The following RGS7 variants were observed in gnomAD, a reference collection of about 807,000 sequenced individuals.
The protein encoded by RGS7 is regulator of G-protein signaling 7.
RGS7 carries 27 observed loss-of-function variants against 81.1 expected under a neutral mutation model. That is an observed-to-expected ratio of 0.33 (90% CI 0.25 to 0.46). The LOEUF (loss-of-function observed/expected upper bound fraction) is 0.46, where lower values mean the gene tolerates loss of function less well. Ranked by LOEUF, RGS7 falls within the 20% of genes least tolerant of loss-of-function variation. RGS7 has a pLI of 1.00. For missense variants in RGS7, 396 were observed against 607.4 expected, an observed-to-expected ratio of 0.65 and a Z score of 3.66; for synonymous variants, 208 against 207.7, an observed-to-expected ratio of 1.00 and a Z score of -0.01.
chr1:240,820,904 T>C (rs1691661154), intron 10 of RGS7, among the ~76,000 whole-genome samples: 1 of 152,148 alleles, frequency 6.6e-6, no homozygotes, highest in Non-Finnish European at 1.5e-5. Flanking sequence ...CCTTTCTGTG[T>C]TTCTATGTGA....
chr1:241,156,686 A>C (rs147744765), intron 2 of RGS7, among the ~76,000 whole-genome samples: 2 of 152,074 alleles, frequency 1.3e-5, no homozygotes, highest in Admixed American at 6.5e-5. Context: ...TCAGCTGTCA[A>C]CTACATCAGG....
chr1:240,812,755 C>A (rs1193582264), intron 13 of RGS7, among the ~76,000 whole-genome samples: 1 of 152,020 alleles, frequency 6.6e-6, no homozygotes, highest in Non-Finnish European at 1.5e-5. Flanking sequence ...AACCACTACG[C>A]CACACAGGGT....
rs957005219 is a variant in RGS7, at chr1:241,239,441, A to C, written c.78+116258T>G. Among the ~76,000 whole-genome samples, 3 of 152,074 alleles carry C rather than the reference A, an allele frequency of 2.0e-5. No homozygotes were observed. In the East Asian group the frequency reaches 5.8e-4, roughly 29 times the overall value. ...GCAGTCTTTGTAAATCACAAATCTCATCATGTCCCCCCTTCACTCAAATGC... is the reference window on the plus strand; with the variant it reads ...GCAGTCTTTGTAAATCACAAATCTCCTCATGTCCCCCCTTCACTCAAATGC... On this transcript the variant is annotated intron_variant, in intron 2 of 18. Coordinates refer to ENST00000440928, the MANE Select transcript of RGS7 (RefSeq NM_001364886.1).
At chr1:240,977,312 T>G (rs1489706821) in intron 4 of RGS7, among the ~76,000 whole-genome samples, 1 of 152,206 alleles carries the variant, frequency 6.6e-6, no homozygotes, top group Non-Finnish European at 1.5e-5. Context: ...TATTTAATCT[T>G]TCCGCCACAG....
chr1:241,164,927 G>A lies in RGS7; in HGVS notation c.79-66165C>T, dbSNP rs10802928. On this transcript the variant is annotated intron_variant, in intron 2 of 18. Transcript: ENST00000440928. This position sits in a 1 kb window ranked among gnomAD's most constrained non-coding sequence, Gnocchi z 4.1. ...AACTCAAATGACTATAACCATAATC[G>A]TAGAACTGAACTGTGTCATTCACAT... 0.28 allele frequency among the ~76,000 whole-genome samples: 42,460 copies of A among 152,016 alleles called. 7,175 individuals are homozygous for A. The highest frequency in any genetic ancestry group is 0.4 in the South Asian group (1,943 of 4,820).
chr1:240,805,219 A>AT (rs1572168640), intron 15 of RGS7, among the ~76,000 whole-genome samples: 2 of 151,348 alleles, frequency 1.3e-5, no homozygotes, highest in Non-Finnish European at 2.9e-5. Flanking sequence ...TCTCTACAAA[A>AT]AAAAATAAAA....
At chr1:240,946,733 G>A (rs963414208) in intron 4 of RGS7, among the ~76,000 whole-genome samples, 2 of 152,134 alleles carry the variant, frequency 1.3e-5, no homozygotes, top group Non-Finnish European at 2.9e-5. Context: ...GGGGAGGTGG[G>A]GGACTGGGAC....
At chr1:241,219,259 T>G (rs2074754858) in intron 2 of RGS7, among the ~76,000 whole-genome samples, 1 of 152,160 alleles carries the variant, frequency 6.6e-6, no homozygotes, top group African/African-American at 2.4e-5. Flanking sequence ...ATGCTGTTCC[T>G]GTGGTAGTGA....
At chr1:241,187,164 A>C (rs1055586083) in intron 2 of RGS7, among the ~76,000 whole-genome samples, 5 of 152,186 alleles carry the variant, frequency 3.3e-5, no homozygotes, top group Non-Finnish European at 5.9e-5. Flanking sequence ...AAAAAAGGAA[A>C]GGCAGATGTT....
chr1:240,872,835 T>C (rs1470150198), intron 6 of RGS7, among the ~76,000 whole-genome samples: 1 of 152,034 alleles, frequency 6.6e-6, no homozygotes, highest in Non-Finnish European at 1.5e-5. Flanking sequence ...TCCCAGCAGG[T>C]TGGGAGGCCG....
chr1:240,825,003 T>C (rs747650768), intron 10 of RGS7, among the ~76,000 whole-genome samples: 5 of 152,222 alleles, frequency 3.3e-5, no homozygotes, highest in Non-Finnish European at 5.9e-5. Flanking sequence ...GAACTTCTAG[T>C]TTCCGTAACT....
intron 14 of RGS7, among the ~76,000 whole-genome samples, 172 bp downstream of exon 14, chr1:240,811,746 A>G (rs547540787): frequency 1.9e-4 from 29 of 152,348 alleles, no homozygotes; most frequent in Non-Finnish European, 3.5e-4. Context: ...GATACGTTGG[A>G]CAGCCTTTGC....
At chr1:241,223,788 A>C (rs2075150620) in intron 2 of RGS7, among the ~76,000 whole-genome samples, 1 of 151,950 alleles carries the variant, frequency 6.6e-6, no homozygotes, top group African/African-American at 2.4e-5. Context: ...GAAAACTAGC[A>C]GGGTTGCTAG....
intron 3 of RGS7, among the ~76,000 whole-genome samples, chr1:241,033,559 G>T (rs1479952541): frequency 1.3e-5 from 2 of 151,526 alleles, no homozygotes; most frequent in Non-Finnish European, 2.9e-5. Context: ...GCTAAATAGG[G>T]TTAATTTTTA....
chr1:240,832,074 A>G (rs1181946844), intron 9 of RGS7, among the ~76,000 whole-genome samples: 2 of 152,184 alleles, frequency 1.3e-5, no homozygotes, highest in Non-Finnish European at 2.9e-5. Flanking sequence ...AAAAAAGTCA[A>G]TCATCTTTTT....
intron 3 of RGS7, among the ~76,000 whole-genome samples, chr1:241,078,301 CTGTG>C (rs71568986): frequency 0.26 from 34,370 of 129,796 alleles, 4,291 homozygotes; most frequent in African/African-American, 0.29. Context: ...CTTCTGGTCT[CTGTG>C]TGTGTGTGTG....
intron 3 of RGS7, among the ~76,000 whole-genome samples, chr1:241,077,155 T>G (rs1466961148): frequency 6.6e-6 from 1 of 152,186 alleles, no homozygotes; most frequent in African/African-American, 2.4e-5. Flanking sequence ...AAAGGGTTCA[T>G]GATAATACTT....
chr1:241,114,626 G>A (rs2065769721), intron 2 of RGS7, among the ~76,000 whole-genome samples: 1 of 152,162 alleles, frequency 6.6e-6, no homozygotes, highest in South Asian at 2.1e-4. Context: ...AATAGATGTT[G>A]AGGTCGAATA....
intron 3 of RGS7, among the ~76,000 whole-genome samples, chr1:240,983,357 T>TA (rs1685207757): frequency 6.6e-6 from 1 of 152,138 alleles, no homozygotes; most frequent in African/African-American, 2.4e-5. Context: ...AAATATGAAA[T>TA]ATGTAAATGG....
Sources: allele counts gnomAD v4.1 joint callset (sites outside exome capture counted in the v4.1 genomes callset), GRCh38; gene constraint gnomAD v4.1.1; non-coding constraint Gnocchi (gnomAD v3.1); transcripts MANE v1.5; gene names NCBI Gene and HGNC (gene_info 2026-07-23, HGNC 2026-07-21).